PCDHGA7: variants seen among roughly 807,000 people sequenced by gnomAD.
PCDHGA7 encodes protocadherin gamma subfamily A, 7.
PCDHGA7 carries 44 observed loss-of-function variants against 58.3 expected under a neutral mutation model. That is an observed-to-expected ratio of 0.75 (90% CI 0.59 to 0.97). The LOEUF (loss-of-function observed/expected upper bound fraction) is 0.97, where lower values mean the gene tolerates loss of function less well. PCDHGA7 is among the 50% of genes least tolerant of loss of function. The pLI, the probability that PCDHGA7 is intolerant of heterozygous loss-of-function variation, is 0.00. For missense variants in PCDHGA7, 1,266 were observed against 1,188.7 expected (o/e 1.06, Z -0.96); for synonymous variants, 516 against 504.2 (o/e 1.02, Z -0.31).
intron 1 of PCDHGA7, chr5:141,423,851 C>T (rs1311833319): frequency 7.8e-6 from 10 of 1,275,940 alleles, no homozygotes; most frequent in African/African-American, 1.6e-5. Flanking sequence ...TCTTTCAGAA[C>T]GTTTTTGTGA....
chr5:141,396,439 T>C (rs1191341482), intron 1 of PCDHGA7: 1 of 152,138 alleles, frequency 6.6e-6, no homozygotes, highest in African/African-American at 2.4e-5. Flanking sequence ...GCAAACATGG[T>C]GAAACCCCGT....
intron 1 of PCDHGA7, chr5:141,418,840 C>T: frequency 6.2e-7 from 1 of 1,614,006 alleles, no homozygotes; most frequent in Middle Eastern, 1.6e-4. Context: ...GAGGATCTCT[C>T]TCAACACGGT....
intron 1 of PCDHGA7, among the ~76,000 whole-genome samples, chr5:141,447,895 G>A (rs931589569): frequency 1.3e-5 from 2 of 152,068 alleles, no homozygotes; most frequent in Non-Finnish European, 2.9e-5. Context: ...AGACCAGCCT[G>A]GCCAACATGG....
At chr5:141,445,420 T>C (rs968387442) in intron 1 of PCDHGA7, among the ~76,000 whole-genome samples, 3 of 152,204 alleles carry the variant, frequency 2.0e-5, no homozygotes, top group Admixed American at 6.5e-5. Context: ...GTCTGCTATA[T>C]GCAAGGCACT....
chr5:141,419,350 G>T lies in PCDHGA7; in HGVS notation c.2424+34027G>T, dbSNP rs202038869. 1.1e-4 allele frequency: 173 copies of T among 1,613,730 alleles called. 2 individuals are homozygous for T. The highest frequency in any genetic ancestry group is 2.3e-4 in the Admixed American group (14 of 60,012). ...ACTCTCTCATTGCCAGCGACCTGGA[G>T]TCACGAACGCTGTCGTCCTACGTGT... On this transcript the variant is annotated intron_variant, in intron 1 of 3. Transcript: ENST00000518325.
chr5:141,477,031 A>G lies in PCDHGA7; in HGVS notation c.2425-17776A>G. 2 of 1,614,248 alleles carry G rather than the reference A, an allele frequency of 1.2e-6. No homozygotes were observed. The highest frequency in any genetic ancestry group is 2.2e-5 in the East Asian group (1 of 44,880). On this transcript the variant is annotated intron_variant, in intron 1 of 3. Transcript: ENST00000518325. This position sits in a 1 kb window ranked among gnomAD's most constrained non-coding sequence, Gnocchi z 4.9. ...TAGACCTTGTAACCGGGATGCTGAC[A>G]ATCAAGGGTCGGCTGGACTTCGAGG...
Position 141,491,458 on chromosome 5 carries a change from G to C in PCDHGA7, c.2425-3349G>C. 1 of 1,614,092 alleles carries C rather than the reference G, an allele frequency of 6.2e-7. No individual in the cohort carries two copies. The highest frequency in any genetic ancestry group is 8.5e-7 in the Non-Finnish European group (1 of 1,180,022). On this transcript the variant is annotated intron_variant, in intron 1 of 3. Coordinates refer to ENST00000518325, the MANE Select transcript of PCDHGA7 (RefSeq NM_018920.4). The surrounding 1 kb of genome is among the most constrained non-coding windows in gnomAD (Gnocchi z 6.9). Reference sequence around the variant, plus strand: ...CAGGCGCCAGGACTCACCCTCCCCGGACTTCTATAAGCAGTCCAGCCCCAA... The same window carrying C: ...CAGGCGCCAGGACTCACCCTCCCCGCACTTCTATAAGCAGTCCAGCCCCAA...
intron 1 of PCDHGA7, chr5:141,395,944 C>G (rs1218959085): frequency 6.6e-6 from 1 of 151,840 alleles, no homozygotes; most frequent in East Asian, 1.9e-4. Context: ...CATTGCTCCC[C>G]CAAACAAAAA....
chr5:141,410,781 T>C, intron 1 of PCDHGA7: 2 of 937,378 alleles, frequency 2.1e-6, no homozygotes, highest in Non-Finnish European at 1.5e-6. Flanking sequence ...TCACTATGTA[T>C]TTGGTTCATA....
At chr5:141,388,290 A>T (rs1299323228) in intron 1 of PCDHGA7, 1 of 1,613,388 alleles carries the variant, frequency 6.2e-7, no homozygotes, top group Non-Finnish European at 8.5e-7. Flanking sequence ...ATTCACGCAA[A>T]ATTCCTTTGA....
intron 1 of PCDHGA7, chr5:141,416,429 G>A (rs952059043): frequency 1.3e-5 from 2 of 152,144 alleles, no homozygotes; most frequent in African/African-American, 4.8e-5. Flanking sequence ...AGTGACTAAG[G>A]CTGAAAGTAA....
chr5:141,439,428 C>T (rs1191911600), intron 1 of PCDHGA7, among the ~76,000 whole-genome samples: 1 of 152,170 alleles, frequency 6.6e-6, no homozygotes, highest in Non-Finnish European at 1.5e-5. Flanking sequence ...TATAAATTCC[C>T]AGGAATATTT....
In PCDHGA7 at chr5:141,511,035, C is replaced by T. The variant is rs373005862; in HGVS notation, c.2661C>T (p.His887=). Residue 887 remains histidine (H), a synonymous_variant, in exon 4 of 4, where the codon CAC becomes CAT. Transcript: ENST00000518325. ...ACGGACCCCAGTTCACCCTGCAGCA[C>T]GTGCCCGACTACCGCCAGAATGTCT... ...ARYGPQFTLQ[H]VPDYRQNVYI... The T allele has an allele frequency of 1.7e-5, 27 of 1,614,208 alleles. No individual in the cohort carries two copies. The African/African-American group carries it at 2.9e-4, about 18-fold the overall frequency.
chr5:141,452,010 G>A (rs955708033), intron 1 of PCDHGA7, among the ~76,000 whole-genome samples: 1 of 152,192 alleles, frequency 6.6e-6, no homozygotes, highest in African/African-American at 2.4e-5. Context: ...ACTTGGTCCA[G>A]CCCACACTCT....
chr5:141,395,124 C>T, intron 1 of PCDHGA7: 2 of 1,614,194 alleles, frequency 1.2e-6, no homozygotes, highest in Non-Finnish European at 1.7e-6. Context: ...CCTGATCTTT[C>T]CCCAGCCCAA....
At chr5:141,458,172 T>A (rs1023447659) in intron 1 of PCDHGA7, among the ~76,000 whole-genome samples, 2 of 152,216 alleles carry the variant, frequency 1.3e-5, no homozygotes, top group African/African-American at 4.8e-5. Flanking sequence ...CACAGTAGTA[T>A]ACCTTACTTG....
rs922804811 is a variant in PCDHGA7 at position 141,432,794 on chromosome 5, G to A, written c.2424+47471G>A. On this transcript the variant is annotated intron_variant, in intron 1 of 3. Coordinates refer to ENST00000518325, the MANE Select transcript of PCDHGA7 (RefSeq NM_018920.4). This position sits in a 1 kb window ranked among gnomAD's most constrained non-coding sequence, Gnocchi z 6.0. ...AGTCCTGGCGGACCTCGGCAGCCTC[G>A]AGTCTCCAGCTAACTCTGAAACCTC... The A allele has an allele frequency of 3.7e-6, 6 of 1,614,138 alleles. No homozygotes were observed. Among genetic ancestry groups the A allele is most frequent in the Non-Finnish European group, 5.1e-6 (6 of 1,180,000 alleles).
In PCDHGA7 at chr5:141,493,664, G is replaced by A. The variant is rs2099749444; in HGVS notation, c.2425-1143G>A. Reference sequence around the variant, plus strand: ...TGGCCATCCCTGTGCCCTTCTCCATGGCAGCCCCAGAATGGTGCTGGTGAC... The same window carrying A: ...TGGCCATCCCTGTGCCCTTCTCCATAGCAGCCCCAGAATGGTGCTGGTGAC... On this transcript the variant is annotated intron_variant, in intron 1 of 3. Coordinates refer to ENST00000518325, the MANE Select transcript of PCDHGA7 (RefSeq NM_018920.4). This position sits in a 1 kb window ranked among gnomAD's most constrained non-coding sequence, Gnocchi z 4.3. Among the ~76,000 whole-genome samples, 1 of 152,136 alleles carries A rather than the reference G, an allele frequency of 6.6e-6. No homozygotes were observed. Among genetic ancestry groups the A allele is most frequent in the Non-Finnish European group, 1.5e-5 (1 of 68,026 alleles).
In PCDHGA7 at chr5:141,402,956, G is replaced by A. The variant is rs1276206622; in HGVS notation, c.2424+17633G>A. Reference sequence around the variant, plus strand: ...AAAATTCCAAAGCGAGGCAGCAATGGCAGCTCCAACCAAATGCCAGCTCCG... The same window carrying A: ...AAAATTCCAAAGCGAGGCAGCAATGACAGCTCCAACCAAATGCCAGCTCCG... On this transcript the variant is annotated intron_variant, in intron 1 of 3. Coordinates refer to ENST00000518325, the MANE Select transcript of PCDHGA7 (RefSeq NM_018920.4). 1.2e-6 allele frequency: 2 copies of A among 1,601,842 alleles called. No individual in the cohort carries two copies. The highest frequency in any genetic ancestry group is 2.7e-5 in the African/African-American group (2 of 74,454).
Sources: gnomAD v4.1 joint callset for allele counts (sites outside exome capture counted in the v4.1 genomes callset) on GRCh38, gnomAD v4.1.1 for gene constraint, Gnocchi (gnomAD v3.1) non-coding constraint, MANE v1.5 for transcripts, NCBI Gene and HGNC (gene_info 2026-07-23, HGNC 2026-07-21) for gene names.